MED13L: variants seen among roughly 807,000 people sequenced by gnomAD.
The protein encoded by MED13L is mediator of RNA polymerase II transcription subunit 13-like.
A neutral mutation model predicts 220.9 loss-of-function variants in MED13L; 7 were observed. That is an observed-to-expected ratio of 0.03 (90% CI 0.02 to 0.06). MED13L has a LOEUF of 0.06. MED13L is among the 10% of genes least tolerant of loss of function. The probability of loss-of-function intolerance (pLI) is 1.00; values close to 1 mark genes in which losing one functional copy is unlikely to be tolerated. For missense variants in MED13L, 1,965 were observed against 2,760.5 expected (o/e 0.71, Z 6.46); for synonymous variants, 1,011 against 1,015.2 (o/e 1.00, Z 0.08).
intron 4 of MED13L, among the ~76,000 whole-genome samples, chr12:116,049,360 A>G (rs1450256825): frequency 6.6e-6 from 1 of 152,222 alleles, no homozygotes; most frequent in Non-Finnish European, 1.5e-5. Context: ...AATGTTACAG[A>G]TTTTTATTAG....
chr12:116,072,331 T>C (rs1870441429), intron 4 of MED13L, among the ~76,000 whole-genome samples: 1 of 152,256 alleles, frequency 6.6e-6, no homozygotes, highest in Non-Finnish European at 1.5e-5. Context: ...GGTAAAGAAT[T>C]AGACTAATTT....
intron 2 of MED13L, among the ~76,000 whole-genome samples, chr12:116,124,123 C>CAGAGA (rs1555213726): frequency 9.4e-4 from 126 of 133,614 alleles, no homozygotes; most frequent in Middle Eastern, 7.8e-3. Context: ...GAGAGAAAGA[C>CAGAGA]GAGAGAGAGA....
At chr12:116,000,223 T>C (rs1878653564) in intron 14 of MED13L, among the ~76,000 whole-genome samples, 1 of 152,026 alleles carries the variant, frequency 6.6e-6, no homozygotes, top group Admixed American at 6.6e-5. Context: ...GGACTCAAAG[T>C]GGGTAAAGCA....
intron 2 of MED13L, among the ~76,000 whole-genome samples, chr12:116,210,769 G>T (rs1882650157): frequency 6.6e-6 from 1 of 151,668 alleles, no homozygotes; most frequent in Non-Finnish European, 1.5e-5. Context: ...GCAGAAACGT[G>T]CCAAAATAAG....
intron 16 of MED13L, among the ~76,000 whole-genome samples, chr12:115,995,487 A>C (rs981981177): frequency 6.6e-6 from 1 of 152,138 alleles, no homozygotes; most frequent in Non-Finnish European, 1.5e-5. Flanking sequence ...GCAGTAGTGC[A>C]ATCTTGGCTC....
Position 115,991,211 on chromosome 12 carries a change from G to A in MED13L, c.3743C>T (p.Ser1248Phe). Residue 1248 changes from serine to phenylalanine, a missense_variant, in exon 17 of 31, where the codon TCT becomes TTT. By Grantham distance (155) the Ser-to-Phe change is radical. Transcript: ENST00000281928. The surrounding 1 kb of genome is among the most constrained non-coding windows in gnomAD (Gnocchi z 7.7). ...ASLNFLDYIS[S>F]NNRQTLPCVS... Reference sequence around the variant, plus strand: ...ACAGGGAAGAGTTTGGCGATTGTTAGAGGAAATGTAGTCCAGGAAATTCAG... The same window carrying A: ...ACAGGGAAGAGTTTGGCGATTGTTAAAGGAAATGTAGTCCAGGAAATTCAG... The A allele has an allele frequency of 6.2e-7, 1 of 1,614,204 alleles. No homozygotes were observed. Among genetic ancestry groups the A allele is most frequent in the Non-Finnish European group, 8.5e-7 (1 of 1,180,038 alleles).
chr12:116,075,012 T>C (rs1870668505), intron 4 of MED13L, among the ~76,000 whole-genome samples: 1 of 152,252 alleles, frequency 6.6e-6, no homozygotes. Flanking sequence ...GGCTCTACAG[T>C]GTCTGGTCTC....
rs1879410507 is a variant in MED13L at position 116,168,084 on chromosome 12, C to T, written c.311-56572G>A. Among the ~76,000 whole-genome samples, 7 of 152,112 alleles carry T rather than the reference C, an allele frequency of 4.6e-5. No individual in the cohort carries two copies. In the South Asian group the frequency reaches 1.5e-3, roughly 32 times the overall value. On this transcript the variant is annotated intron_variant, in intron 2 of 30. Coordinates refer to ENST00000281928, the MANE Select transcript of MED13L (RefSeq NM_015335.5). Reference sequence around the variant, plus strand: ...AGATAGCTAAGCCACATGTGTCAATCCTATCACCATCACCTACTGAACCAA... The same window carrying T: ...AGATAGCTAAGCCACATGTGTCAATTCTATCACCATCACCTACTGAACCAA...
At chr12:115,998,752 A>G (rs1878563865) in intron 14 of MED13L, among the ~76,000 whole-genome samples, 1 of 152,218 alleles carries the variant, frequency 6.6e-6, no homozygotes, top group South Asian at 2.1e-4. Flanking sequence ...TATTTGTAAA[A>G]TAAGGAGAGG....
At chr12:116,260,298 T>G (rs1872411820) in intron 1 of MED13L, among the ~76,000 whole-genome samples, 2 of 151,998 alleles carry the variant, frequency 1.3e-5, no homozygotes, top group South Asian at 4.1e-4. Context: ...TCAGAACAAC[T>G]GGAAAGGGTC....
At chr12:115,988,578 CCA>C (rs1288449350) in intron 17 of MED13L, among the ~76,000 whole-genome samples, 4 of 152,160 alleles carry the variant, frequency 2.6e-5, no homozygotes, top group Non-Finnish European at 1.5e-5. Flanking sequence ...ACCAAGAGAA[CCA>C]CAGATTTGAG....
chr12:116,083,875 T>C (rs1011989209), intron 4 of MED13L, among the ~76,000 whole-genome samples: 1 of 152,156 alleles, frequency 6.6e-6, no homozygotes, highest in Non-Finnish European at 1.5e-5. Flanking sequence ...TACTCCTGCA[T>C]TCCTCCTTAG....
intron 4 of MED13L, among the ~76,000 whole-genome samples, chr12:116,093,711 G>T (rs949984505): frequency 6.6e-6 from 1 of 151,922 alleles, no homozygotes; most frequent in African/African-American, 2.4e-5. Context: ...ATTATATATA[G>T]ATACTATATG....
At chr12:116,027,398 G>T (rs1247845789) in intron 4 of MED13L, among the ~76,000 whole-genome samples, 1 of 152,084 alleles carries the variant, frequency 6.6e-6, no homozygotes. Context: ...CTCCAGCCGG[G>T]GTGACAGAGA....
chr12:116,090,512 A>G lies in MED13L; in HGVS notation c.479+6157T>C, dbSNP rs1050181620. On this transcript the variant is annotated intron_variant, in intron 4 of 30. Transcript: ENST00000281928. Reference sequence around the variant, plus strand: ...GTAACATGCTCTGAGTGGTAGAGAAAAAAAGAATAAAAGATATGGATATAT... The same window carrying G: ...GTAACATGCTCTGAGTGGTAGAGAAGAAAAGAATAAAAGATATGGATATAT... 7.2e-5 allele frequency among the ~76,000 whole-genome samples: 11 copies of G among 152,228 alleles called. 1 individual carries two copies. The highest frequency in any genetic ancestry group is 3.3e-4 in the Admixed American group (5 of 15,278).
chr12:116,093,283 T>C (rs1872386994), intron 4 of MED13L, among the ~76,000 whole-genome samples: 2 of 152,162 alleles, frequency 1.3e-5, no homozygotes, highest in Non-Finnish European at 2.9e-5. Context: ...AGTTGTATTT[T>C]CTACTTATTC....
chr12:116,003,243 T>C lies in MED13L; in HGVS notation c.2470-141A>G, dbSNP rs566924516. The C allele has an allele frequency of 7.2e-5, 52 of 719,760 alleles. 1 individual carries two copies. In the African/African-American group the frequency reaches 7.5e-4, roughly 10 times the overall value. 44.6% of individuals were successfully genotyped at this position (719,760 alleles called of 1,614,324 possible). A position where few individuals can be genotyped will look rare whatever the true frequency, so the allele number is the denominator to read the frequency against. On this transcript the variant is annotated intron_variant, in intron 13 of 30. Coordinates refer to ENST00000281928, the MANE Select transcript of MED13L (RefSeq NM_015335.5). ...GTGAACCTCTAGAAATACCAACAGA[T>C]AGTGAAACAAAGGAGATGGTTACAA...
At chr12:116,219,290 CATGTT>C (rs1481311997) in intron 2 of MED13L, among the ~76,000 whole-genome samples, 2 of 152,058 alleles carry the variant, frequency 1.3e-5, no homozygotes, top group African/African-American at 4.8e-5. Context: ...AAATTATATT[CATGTT>C]ATTAGTATAT....
chr12:116,263,823 CA>C (rs1872657664), intron 1 of MED13L, among the ~76,000 whole-genome samples: 1 of 152,168 alleles, frequency 6.6e-6, no homozygotes, highest in Non-Finnish European at 1.5e-5. Flanking sequence ...CCTTGATCCT[CA>C]AAAAGCAAAA....
Sources: gnomAD v4.1 joint callset for allele counts (sites outside exome capture counted in the v4.1 genomes callset) on GRCh38, gnomAD v4.1.1 for gene constraint, Gnocchi (gnomAD v3.1) non-coding constraint, MANE v1.5 for transcripts, NCBI Gene and HGNC (gene_info 2026-07-23, HGNC 2026-07-21) for gene names.